ZFYVE9: variants seen among roughly 807,000 people sequenced by gnomAD.
The protein encoded by ZFYVE9 is zinc finger FYVE domain-containing protein 9.
ZFYVE9 carries 43 observed loss-of-function variants against 126.7 expected under a neutral mutation model. The ratio of observed to expected loss-of-function variants is 0.34; its 90% confidence interval spans 0.27 to 0.44. The LOEUF (loss-of-function observed/expected upper bound fraction) is 0.44. Among genes scored for constraint, ZFYVE9 ranks in the 20% least tolerant of loss-of-function variants. The pLI, the probability that ZFYVE9 is intolerant of heterozygous loss-of-function variation, is 1.00. For missense variants in ZFYVE9, 1,476 were observed against 1,697.0 expected, an observed-to-expected ratio of 0.87 and a Z score of 2.29; for synonymous variants, 521 against 597.4, an observed-to-expected ratio of 0.87 and a Z score of 1.87.
At chr1:52,292,177 G>A (rs1477594868) in intron 10 of ZFYVE9, among the ~76,000 whole-genome samples, 1 of 150,674 alleles carries the variant, frequency 6.6e-6, no homozygotes, top group African/African-American at 2.4e-5. Flanking sequence ...AGCTATTCAG[G>A]AGGCTGAGGT....
intron 4 of ZFYVE9, among the ~76,000 whole-genome samples, chr1:52,247,656 C>G (rs1645400782): frequency 6.6e-6 from 1 of 152,120 alleles, no homozygotes; most frequent in Non-Finnish European, 1.5e-5. Context: ...ACCACCATGC[C>G]TGGCTAATTT....
intron 17 of ZFYVE9, 130 bp from the exon 18 acceptor site, chr1:52,344,638 T>G: frequency 1.1e-6 from 1 of 929,712 alleles, no homozygotes; most frequent in Non-Finnish European, 1.6e-6. Context: ...ACCAGGGACT[T>G]TATGGTGTCC....
intron 7 of ZFYVE9, among the ~76,000 whole-genome samples, chr1:52,274,063 G>A (rs955993684): frequency 6.6e-6 from 1 of 152,100 alleles, no homozygotes. Flanking sequence ...ATATAAATTA[G>A]ACCTTAAGTA....
chr1:52,311,064 C>T (rs972167375), intron 13 of ZFYVE9, among the ~76,000 whole-genome samples: 2 of 152,154 alleles, frequency 1.3e-5, no homozygotes, highest in Admixed American at 6.5e-5. Context: ...TGAGGTCTTA[C>T]TGCGTTGCCC....
intron 4 of ZFYVE9, among the ~76,000 whole-genome samples, chr1:52,241,631 A>G (rs1356055068): frequency 6.6e-6 from 1 of 152,206 alleles, no homozygotes; most frequent in Non-Finnish European, 1.5e-5. Flanking sequence ...TTTGCTGAGT[A>G]GAATTTGTGG....
At chr1:52,246,427 CCTT>C (rs1645384288) in intron 4 of ZFYVE9, among the ~76,000 whole-genome samples, 1 of 152,014 alleles carries the variant, frequency 6.6e-6, no homozygotes, top group African/African-American at 2.4e-5. Flanking sequence ...TAGAGAATAA[CCTT>C]CATAAAATCT....
At chr1:52,253,551 T>C in intron 4 of ZFYVE9, 1 of 741,986 alleles carries the variant, frequency 1.3e-6, no homozygotes, top group Non-Finnish European at 2.4e-6. Flanking sequence ...GGAAGCCGAG[T>C]GGGAGTGGCA....
At chr1:52,333,144 C>T (rs1646358302) in intron 14 of ZFYVE9, among the ~76,000 whole-genome samples, 1 of 151,898 alleles carries the variant, frequency 6.6e-6, no homozygotes, top group South Asian at 2.1e-4. Context: ...AAAATATGCC[C>T]TTAGGAGGGA....
chr1:52,343,748 G>GT (rs939375133), intron 17 of ZFYVE9, among the ~76,000 whole-genome samples: 7 of 147,144 alleles, frequency 4.8e-5, no homozygotes, highest in African/African-American at 1.8e-4. Context: ...GGGCAACAGA[G>GT]TTGAGACTCC....
At chr1:52,263,097 A>G (rs976285458) in intron 4 of ZFYVE9, among the ~76,000 whole-genome samples, 1 of 150,098 alleles carries the variant, frequency 6.7e-6, no homozygotes, top group Non-Finnish European at 1.5e-5. Context: ...AAAAAAAAAA[A>G]GAAAAGAAAT....
At chr1:52,185,367 T>C (rs188444018) in intron 1 of ZFYVE9, among the ~76,000 whole-genome samples, 1 of 152,270 alleles carries the variant, frequency 6.6e-6, no homozygotes, top group East Asian at 1.9e-4. Context: ...TAAATTCCCA[T>C]GGAAAGACTT....
intron 10 of ZFYVE9, among the ~76,000 whole-genome samples, chr1:52,289,520 G>A (rs1645897025): frequency 6.6e-6 from 1 of 152,072 alleles, no homozygotes; most frequent in African/African-American, 2.4e-5. Flanking sequence ...CACTAGTATT[G>A]GGGTATATAT....
intron 2 of ZFYVE9, among the ~76,000 whole-genome samples, chr1:52,227,026 A>G (rs1163801677): frequency 3.3e-5 from 5 of 152,194 alleles, no homozygotes; most frequent in Non-Finnish European, 5.9e-5. Flanking sequence ...CAGAAGGGGT[A>G]GAAAATGGTG....
At chr1:52,259,023 C>G (rs1281728334) in intron 4 of ZFYVE9, among the ~76,000 whole-genome samples, 1 of 152,088 alleles carries the variant, frequency 6.6e-6, no homozygotes, top group Non-Finnish European at 1.5e-5. Flanking sequence ...CAAAATACCA[C>G]AAATTGGGCA....
chr1:52,228,234 A>G (rs1006113737), intron 2 of ZFYVE9, among the ~76,000 whole-genome samples: 2 of 152,004 alleles, frequency 1.3e-5, no homozygotes, highest in African/African-American at 2.4e-5. Flanking sequence ...ATGTGTCACC[A>G]CACCCAGCGA....
intron 4 of ZFYVE9, among the ~76,000 whole-genome samples, chr1:52,263,527 G>T (rs760361165): frequency 1.3e-5 from 2 of 152,008 alleles, no homozygotes; most frequent in African/African-American, 2.4e-5. Flanking sequence ...CTGTATATTT[G>T]CCACGTGATC....
intron 17 of ZFYVE9, among the ~76,000 whole-genome samples, chr1:52,341,148 T>A (rs1177824628): frequency 6.6e-6 from 1 of 152,010 alleles, no homozygotes; most frequent in Non-Finnish European, 1.5e-5. Context: ...TGAACCTGGG[T>A]GGTGGAGGTT....
At chr1:52,316,986 A>C (rs1328225629) in intron 13 of ZFYVE9, among the ~76,000 whole-genome samples, 1 of 152,246 alleles carries the variant, frequency 6.6e-6, no homozygotes, top group Non-Finnish European at 1.5e-5. Flanking sequence ...AATCATACAG[A>C]ATGTGGTCTG....
At position 52,278,598 on chromosome 1, in the gene ZFYVE9, G is replaced by C. The variant is rs568830561; in HGVS notation, c.2853G>C (p.Met951Ile). The change falls in exon 9 of 19, where the codon ATG (methionine) becomes ATC (isoleucine). Residue 951 changes from methionine (M) to isoleucine (I), a missense_variant. Met to Ile is a conservative substitution (Grantham distance 10, BLOSUM62 1). Around this residue, in one of 2 missense-constraint regions of ZFYVE9, gnomAD observed 669 missense variants for 902.4 expected, o/e 0.74. Transcript: ENST00000287727. ...TTTTAAATGCAAATTTGTTGTCAAT[G>C]GTTAAAATTGTAAATTGTAAGTTAT... ...VFVLNANLLS[M>I]VKIVNYVNRK... The C allele has an allele frequency of 7.6e-6, 12 of 1,574,338 alleles. No individual in the cohort carries two copies. The highest frequency in any genetic ancestry group is 1.0e-5 in the Non-Finnish European group (12 of 1,155,212).
Sources: allele counts gnomAD v4.1 joint callset (sites outside exome capture counted in the v4.1 genomes callset), GRCh38; gene constraint gnomAD v4.1.1; regional missense constraint gnomAD v4.1.1; transcripts MANE v1.5; gene names NCBI Gene and HGNC (gene_info 2026-07-23, HGNC 2026-07-21).